WDR87: variants seen among roughly 807,000 people sequenced by gnomAD.
The protein encoded by WDR87 is WD repeat-containing protein 87.
WDR87 carries 56 observed loss-of-function variants against 83.3 expected under a neutral mutation model. That is an observed-to-expected ratio of 0.67 (90% CI 0.54 to 0.84). The LOEUF (loss-of-function observed/expected upper bound fraction) is 0.84. Among genes scored for constraint, WDR87 ranks in the 40% least tolerant of loss-of-function variants. The pLI is 0.00. For synonymous variants in WDR87, 1,173 were observed against 1,250.6 expected (o/e 0.94, Z 1.31); for missense variants, 2,939 against 3,431.9 (o/e 0.86, Z 3.59).
chr19:37,896,131 G>C lies in WDR87; in HGVS notation c.246+7C>G. Reference sequence around the variant, plus strand: ...TGGGCCAAGAAGGGTAAGAAAGGCAGTCTTACTTGTATTTCTTTTGTGTTT... The same window carrying C: ...TGGGCCAAGAAGGGTAAGAAAGGCACTCTTACTTGTATTTCTTTTGTGTTT... On this transcript the variant is annotated splice_region_variant and intron_variant, in intron 3 of 5. Coordinates refer to ENST00000447313, the MANE Select transcript of WDR87 (RefSeq NM_001291088.2). The C allele has an allele frequency of 6.4e-7, 1 of 1,552,232 alleles. No individual in the cohort carries two copies. Among genetic ancestry groups the C allele is most frequent in the Non-Finnish European group, 8.7e-7 (1 of 1,147,086 alleles).
In WDR87 at chr19:37,893,108, G is replaced by A; in HGVS notation, c.2595C>T (p.His865=). The A allele has an allele frequency of 1.9e-6, 3 of 1,551,790 alleles. No homozygotes were observed. Among genetic ancestry groups the A allele is most frequent in the Non-Finnish European group, 2.6e-6 (3 of 1,147,024 alleles). The change falls in exon 4 of 6, where the codon CAC becomes CAT. Residue 865 remains histidine, a synonymous_variant. Coordinates refer to ENST00000447313, the MANE Select transcript of WDR87 (RefSeq NM_001291088.2). The part of the protein sequence containing the change: ...WDRSQEFFFW[H]SRVRAISNTE... ...TATTACTTATAGCTCTTACCCTGCT[G>A]TGCCAGAAAAAGAATTCTTGAGACC...
chr19:37,898,681 C>G (rs2046274223), intron 1 of WDR87, among the ~76,000 whole-genome samples: 1 of 152,076 alleles, frequency 6.6e-6, no homozygotes, highest in Admixed American at 6.6e-5. Flanking sequence ...AAGTATGGTC[C>G]CTGGACCTCA....
chr19:37,893,848 T>A lies in WDR87; in HGVS notation c.1855A>T (p.Ser619Cys), dbSNP rs1409004631. ...ITSFDVCLSL[S>C]LFVTGSADGS... ...TCGGCAGAACCTGTGACAAAAAGAC[T>A]CAAGGAGAGGCAGACATCAAAGGAT... Residue 619 changes from serine (S) to cysteine (C), a missense_variant, in exon 4 of 6, where the codon AGT (serine) becomes TGT (cysteine). Transcript: ENST00000447313. The A allele has an allele frequency of 1.1e-5, 17 of 1,551,586 alleles. No homozygotes were observed. The highest frequency in any genetic ancestry group is 1.4e-5 in the Non-Finnish European group (16 of 1,147,030).
Position 37,893,011 on chromosome 19 carries a change from T to G in WDR87, c.2692A>C (p.Ser898Arg). ...CGGTTTGCTCCATCTGTAAGGACACTGTAGGTTACATCCTTGGAAAGTCTC... is the reference window on the plus strand; with the variant it reads ...CGGTTTGCTCCATCTGTAAGGACACGGTAGGTTACATCCTTGGAAAGTCTC... ...EMRLSKDVTY[S>R]VLTDGANRSW... is the part of the protein sequence containing the mutation. The change falls in exon 4 of 6, where the codon AGT becomes CGT. Residue 898 changes from serine to arginine, a missense_variant. By Grantham distance (110) the Ser-to-Arg change is moderately radical. Transcript: ENST00000447313. The G allele has an allele frequency of 6.4e-7, 1 of 1,551,870 alleles. No individual in the cohort carries two copies. Among genetic ancestry groups the G allele is most frequent in the Non-Finnish European group, 8.7e-7 (1 of 1,147,026 alleles).
intron 1 of WDR87, among the ~76,000 whole-genome samples, chr19:37,902,310 G>A (rs2046298479): frequency 6.6e-6 from 1 of 152,072 alleles, no homozygotes; most frequent in South Asian, 2.1e-4. Flanking sequence ...TGCCTCTGGA[G>A]TTCAAGTGAT....
chr19:37,901,685 A>C (rs899386197), intron 1 of WDR87, among the ~76,000 whole-genome samples: 5 of 152,032 alleles, frequency 3.3e-5, no homozygotes, highest in African/African-American at 9.7e-5. Flanking sequence ...AGGACTTTCA[A>C]ACCCCAAATC....
At position 37,891,808 on chromosome 19, in the gene WDR87, G is replaced by A. The variant is rs1486179578; in HGVS notation, c.3138C>T (p.Ile1046=). The change falls in exon 5 of 6, where the codon ATC becomes ATT. Residue 1046 remains isoleucine, a synonymous_variant. Coordinates refer to ENST00000447313, the MANE Select transcript of WDR87 (RefSeq NM_001291088.2). ...GTAGATGGTCCAGGGGTTCCTCCCC[G>A]ATCATCTGCTGCCTATGAAAGTCAA... The part of the protein sequence containing the change: ...ETFREMQQQM[I]GEEPLDHLLG... 8.4e-6 allele frequency: 13 copies of A among 1,551,834 alleles called. No homozygotes were observed. The highest frequency in any genetic ancestry group is 2.4e-5 in the South Asian group (2 of 84,044).
intron 1 of WDR87, among the ~76,000 whole-genome samples, chr19:37,901,250 G>C (rs547441452): frequency 1.3e-5 from 2 of 151,770 alleles, no homozygotes; most frequent in Non-Finnish European, 2.9e-5. Context: ...GGCCAACATG[G>C]TAAAACCCTG....
intron 5 of WDR87, among the ~76,000 whole-genome samples, chr19:37,891,011 A>G (rs1351293124): frequency 6.6e-6 from 1 of 152,138 alleles, no homozygotes; most frequent in Non-Finnish European, 1.5e-5. Flanking sequence ...TTACATAGGT[A>G]TACAGGTGCC....
rs1355948140 is a variant in WDR87 at position 37,891,793 on chromosome 19, CAGGGGT to C, written c.3147_3152del (p.Pro1050_Leu1051del). The C allele has an allele frequency of 6.4e-7, 1 of 1,552,148 alleles. No homozygotes were observed. Among genetic ancestry groups the C allele is most frequent in the Admixed American group, 2.0e-5 (1 of 50,980 alleles). ...TGGCCCGCATCCCCAGTAGATGGTC[CAGGGGT>C]TCCTCCCCGATCATCTGCTGCCTAT... On this transcript the variant is annotated inframe_deletion, in exon 5 of 6. Coordinates refer to ENST00000447313, the MANE Select transcript of WDR87 (RefSeq NM_001291088.2).
rs1405508318 is a variant in WDR87 at position 37,885,378 on chromosome 19, A to T, written c.8293T>A (p.Trp2765Arg). ...TGGTACAGTGCCACAAATGTCTCCC[A>T]CAAAGGCAACTCTTCCTTTTTTTTA... is the stretch of plus-strand genomic sequence containing the variant. The part of the protein sequence containing the change: ...ISKKKEELPL[W>R]ETFVALYHVL... Residue 2765 changes from tryptophan (W) to arginine (R), a missense_variant, in exon 6 of 6, where the codon TGG (tryptophan) becomes AGG (arginine). Trp to Arg is a moderately radical substitution (Grantham distance 101, BLOSUM62 -3). This residue lies in a region of WDR87 where 2,160 missense variants were observed against 2,533.1 expected (regional missense o/e 0.85). Coordinates refer to ENST00000447313, the MANE Select transcript of WDR87 (RefSeq NM_001291088.2). 1 of 1,551,744 alleles carries T rather than the reference A, an allele frequency of 6.4e-7. No homozygotes were observed. Among genetic ancestry groups the T allele is most frequent in the East Asian group, 2.4e-5 (1 of 40,938 alleles).
Position 37,890,231 on chromosome 19 carries a change from G to C in WDR87, c.3440C>G (p.Ser1147Cys), listed in dbSNP as rs1361147846. ...GCCTGGCTCTGTGCTCATCTGTTTA[G>C]AGTCTCTCTCTTTCGTCTTCTTGAG... ...RGLKKTKERD[S>C]KQMSTEPGLL... is the part of the protein sequence containing the mutation. Residue 1147 changes from serine to cysteine, a missense_variant, in exon 6 of 6, where the codon TCT (serine) becomes TGT (cysteine). Ser to Cys is a moderately radical substitution (Grantham distance 112, BLOSUM62 -1). Around this residue, in one of 3 missense-constraint regions of WDR87, gnomAD observed 2,160 missense variants for 2,533.1 expected, o/e 0.85. Transcript: ENST00000447313. 1.0e-5 allele frequency: 16 copies of C among 1,546,732 alleles called. No individual in the cohort carries two copies. The highest frequency in any genetic ancestry group is 1.7e-4 in the Middle Eastern group (1 of 5,994).
At position 37,894,825 on chromosome 19, in the gene WDR87, G is replaced by T; in HGVS notation, c.878C>A (p.Pro293Gln). ...QSGVICIRSR[P>Q]EAHTLLTAGS... ...AGCTGTTAGCAGGGTGTGGGCCTCT[G>T]GTCGGCTGCGGATACAGATCACTCC... Residue 293 changes from proline (P) to glutamine (Q), a missense_variant, in exon 4 of 6, where the codon CCA becomes CAA. Pro to Gln is a moderately conservative substitution (Grantham distance 76). Transcript: ENST00000447313. The T allele has an allele frequency of 6.4e-7, 1 of 1,551,722 alleles. No individual in the cohort carries two copies. Among genetic ancestry groups the T allele is most frequent in the Non-Finnish European group, 8.7e-7 (1 of 1,147,008 alleles).
In WDR87 at chr19:37,889,634, C is replaced by CA; in HGVS notation, c.4036dup (p.Trp1346LeufsTer19). On this transcript the variant is annotated frameshift_variant, in exon 6 of 6. Coordinates refer to ENST00000447313, the MANE Select transcript of WDR87 (RefSeq NM_001291088.2). LOFTEE classifies it low-confidence loss of function (END_TRUNC). Reference sequence around the variant, plus strand: ...TTTCTTCTCTGGCGGGACTACATCCCAATCAAGGTCCTCAAGCAGAACCTT... The same window carrying CA: ...TTTCTTCTCTGGCGGGACTACATCCCAAATCAAGGTCCTCAAGCAGAACCTT... The CA allele has an allele frequency of 6.4e-7, 1 of 1,551,868 alleles. No homozygotes were observed. Among genetic ancestry groups the CA allele is most frequent in the South Asian group, 1.2e-5 (1 of 84,060 alleles).
chr19:37,888,895 C>T lies in WDR87; in HGVS notation c.4776G>A (p.Glu1592=), dbSNP rs1396174704. 11 of 1,552,058 alleles carry T rather than the reference C, an allele frequency of 7.1e-6. No individual in the cohort carries two copies. The highest frequency in any genetic ancestry group is 2.4e-5 in the East Asian group (1 of 40,934). ...TGACCTGCTGTTCTTTTTCTTCCCC[C>T]TCCCGAGACACTTCTTCCTCCAAAG... ...EVTLEEEVSR[E]GEEKEQQVTE... is the part of the protein sequence containing the mutation. The change falls in exon 6 of 6, where the codon GAG becomes GAA. Residue 1592 remains glutamate (E), a synonymous_variant. Coordinates refer to ENST00000447313, the MANE Select transcript of WDR87 (RefSeq NM_001291088.2).
In WDR87 at chr19:37,888,962, G is replaced by C; in HGVS notation, c.4709C>G (p.Ser1570Cys). 1.3e-6 allele frequency: 2 copies of C among 1,551,940 alleles called. No homozygotes were observed. The highest frequency in any genetic ancestry group is 1.7e-6 in the Non-Finnish European group (2 of 1,147,106). Residue 1570 changes from serine (S) to cysteine (C), a missense_variant, in exon 6 of 6, where the codon TCT becomes TGT. Ser to Cys is a moderately radical substitution (Grantham distance 112). Around this residue, in one of 3 missense-constraint regions of WDR87, gnomAD observed 2,160 missense variants for 2,533.1 expected, o/e 0.85. Coordinates refer to ENST00000447313, the MANE Select transcript of WDR87 (RefSeq NM_001291088.2). ...WKQVWENMLS[S>C]KSKEQQYKDE... ...CTTGTACTGTTGCTCCTTGGACTTAGATGATAACATATTTTCCCAGACTTG... is the reference window on the plus strand; with the variant it reads ...CTTGTACTGTTGCTCCTTGGACTTACATGATAACATATTTTCCCAGACTTG...
Position 37,886,107 on chromosome 19 carries a change from T to C in WDR87, c.7564A>G (p.Lys2522Glu), listed in dbSNP as rs2046142207. 3 of 1,551,766 alleles carry C rather than the reference T, an allele frequency of 1.9e-6. No homozygotes were observed. The East Asian group carries it at 7.3e-5, about 38-fold the overall frequency. The change falls in exon 6 of 6, where the codon AAA becomes GAA. Residue 2522 changes from lysine (K) to glutamate (E), a missense_variant. This residue lies in a region of WDR87 where 2,160 missense variants were observed against 2,533.1 expected (regional missense o/e 0.85). Transcript: ENST00000447313. ...CACTTCCACCAGGCACCTAGTGGTT[T>C]GTGTTGGAGTTCCTCAGCTTCCACG... The part of the protein sequence containing the change: ...RTVEAEELQH[K>E]PLGAWWKWFL...
In WDR87 at chr19:37,888,695, T is replaced by C. The variant is rs1190242399; in HGVS notation, c.4976A>G (p.Tyr1659Cys). 6.4e-7 allele frequency: 1 copy of C among 1,551,932 alleles called. No individual in the cohort carries two copies. The part of the protein sequence containing the change: ...AQEERKLAQA[Y>C]VKITQDDREM... ...CCTGTCATCCTGGGTTATTTTCACG[T>C]ATGCCTGGGCCAGTTTTCTCTCTTC... The change falls in exon 6 of 6, where the codon TAC becomes TGC. Residue 1659 changes from tyrosine (Y) to cysteine (C), a missense_variant. Physicochemically the swap from Tyr to Cys is radical, Grantham distance 194. Coordinates refer to ENST00000447313, the MANE Select transcript of WDR87 (RefSeq NM_001291088.2).
chr19:37,895,089 C>T lies in WDR87; in HGVS notation c.614G>A (p.Gly205Asp), dbSNP rs949667675. The T allele has an allele frequency of 2.9e-5, 45 of 1,551,634 alleles. No homozygotes were observed. The highest frequency in any genetic ancestry group is 3.7e-5 in the Non-Finnish European group (43 of 1,147,016). ...CAGGGCCAGGAGGGAGCCACTGGGA[C>T]CATTCAGCACGATGTCCTGGACAAG... ...DELVQDIVLN[G>D]PSGSLLALCE... is the part of the protein sequence containing the mutation. The change falls in exon 4 of 6, where the codon GGT (glycine) becomes GAT (aspartate). Residue 205 changes from glycine to aspartate, a missense_variant. Gly to Asp is a moderately conservative substitution (Grantham distance 94, BLOSUM62 -1). This residue lies in a region of WDR87 where 226 missense variants were observed against 320.9 expected (regional missense o/e 0.70). Transcript: ENST00000447313.
Sources: allele counts gnomAD v4.1 joint callset (sites outside exome capture counted in the v4.1 genomes callset), GRCh38; gene constraint gnomAD v4.1.1; regional missense constraint gnomAD v4.1.1; transcripts MANE v1.5; gene names NCBI Gene and HGNC (gene_info 2026-07-23, HGNC 2026-07-21).